The following KCNIP4 variants were observed in gnomAD, a reference collection of about 807,000 sequenced individuals.
KCNIP4 encodes Kv channel-interacting protein 4.
KCNIP4 carries 12 observed loss-of-function variants against 34.0 expected under a neutral mutation model. That is an observed-to-expected ratio of 0.35 (90% CI 0.23 to 0.57). The LOEUF is 0.57. Among genes scored for constraint, KCNIP4 ranks in the 20% least tolerant of loss-of-function variants. The probability of loss-of-function intolerance (pLI) is 0.83; values close to 1 mark genes in which losing one functional copy is unlikely to be tolerated. For missense variants in KCNIP4, 238 were observed against 311.7 expected, an observed-to-expected ratio of 0.76 and a Z score of 1.78; for synonymous variants, 124 against 102.2, an observed-to-expected ratio of 1.21 and a Z score of -1.29.
chr4:21,549,188 TATG>T (rs1278638461), intron 1 of KCNIP4, among the ~76,000 whole-genome samples: 1 of 152,024 alleles, frequency 6.6e-6, no homozygotes, highest in Non-Finnish European at 1.5e-5. Context: ...GCCACAATTA[TATG>T]ATGTTTACTA....
chr4:20,811,372 C>T (rs1218218880), intron 3 of KCNIP4, among the ~76,000 whole-genome samples: 1 of 152,138 alleles, frequency 6.6e-6, no homozygotes, highest in Non-Finnish European at 1.5e-5. Flanking sequence ...ACACATACAG[C>T]CTAAGCTAAT....
At chr4:20,964,673 G>A (rs537817440) in intron 1 of KCNIP4, among the ~76,000 whole-genome samples, 3 of 152,162 alleles carry the variant, frequency 2.0e-5, no homozygotes, top group Non-Finnish European at 4.4e-5. Flanking sequence ...TCCTTAGGCA[G>A]CAGCATTGTG....
intron 1 of KCNIP4, among the ~76,000 whole-genome samples, chr4:21,772,835 GTCTA>G (rs1718892663): frequency 6.6e-6 from 1 of 151,986 alleles, no homozygotes; most frequent in Admixed American, 6.6e-5. Flanking sequence ...CTAGCTAGCA[GTCTA>G]TCTATTTTGT....
chr4:21,528,743 GA>G (rs1455304406), intron 1 of KCNIP4, among the ~76,000 whole-genome samples: 1 of 6,886 alleles, frequency 1.5e-4, no homozygotes, highest in Non-Finnish European at 2.6e-4. Context: ...AAGAAAGAAA[GA>G]AAGAAAGAAA....
rs144585680 is a variant in KCNIP4, at chr4:21,566,472, C to A, written c.61+382099G>T. Among the ~76,000 whole-genome samples, 418 of 152,196 alleles carry A rather than the reference C, an allele frequency of 2.7e-3. 6 individuals are homozygous for A. Among genetic ancestry groups the A allele is most frequent in the African/African-American group, 9.6e-3 (398 of 41,532 alleles). On this transcript the variant is annotated intron_variant, in intron 1 of 8. Transcript: ENST00000382152. ...GTTTAAAAGTTTATAGCACCTCCCC[C>A]TTCGCTCTCTTCCTCCTGCTCCACC...
chr4:20,889,371 G>A (rs894822737), intron 1 of KCNIP4, among the ~76,000 whole-genome samples: 1 of 152,064 alleles, frequency 6.6e-6, no homozygotes, highest in Non-Finnish European at 1.5e-5. Context: ...GCAGTCTAAT[G>A]TGCCACATAA....
chr4:21,090,140 C>T (rs375928325), intron 1 of KCNIP4, among the ~76,000 whole-genome samples: 3 of 152,280 alleles, frequency 2.0e-5, no homozygotes, highest in Non-Finnish European at 2.9e-5. Flanking sequence ...ATTTTTCACA[C>T]GTATAGCCTG....
At chr4:20,816,485 T>C (rs1318010558) in intron 3 of KCNIP4, among the ~76,000 whole-genome samples, 2 of 152,114 alleles carry the variant, frequency 1.3e-5, no homozygotes, top group African/African-American at 2.4e-5. Context: ...TCTCCAGCCA[T>C]CCTGAAACAT....
At chr4:21,470,628 G>A (rs1011379422) in intron 1 of KCNIP4, among the ~76,000 whole-genome samples, 2 of 152,112 alleles carry the variant, frequency 1.3e-5, no homozygotes, top group African/African-American at 4.8e-5. Context: ...CAGCTAGGGA[G>A]CTGGCAGGAG....
intron 1 of KCNIP4, among the ~76,000 whole-genome samples, chr4:21,278,478 G>A (rs1420325015): frequency 1.3e-5 from 2 of 152,068 alleles, no homozygotes; most frequent in Non-Finnish European, 2.9e-5. Flanking sequence ...GTATGCTAAG[G>A]ATAATGGCCT....
intron 1 of KCNIP4, among the ~76,000 whole-genome samples, chr4:21,811,675 T>C (rs977658486): frequency 6.6e-6 from 1 of 152,214 alleles, no homozygotes; most frequent in Non-Finnish European, 1.5e-5. Context: ...CATATTTGTT[T>C]TTCTTTTCCT....
intron 1 of KCNIP4, among the ~76,000 whole-genome samples, chr4:21,698,664 T>A (rs1029149906): frequency 6.6e-6 from 1 of 152,190 alleles, no homozygotes; most frequent in Non-Finnish European, 1.5e-5. Context: ...TTTATTTTTG[T>A]TTATTCTGAA....
intron 1 of KCNIP4, among the ~76,000 whole-genome samples, chr4:21,381,740 T>C (rs550170140): frequency 4.3e-4 from 66 of 152,318 alleles, no homozygotes; most frequent in African/African-American, 1.5e-3. Flanking sequence ...TTCTCAGCCA[T>C]TTTGGAATTA....
intron 1 of KCNIP4, among the ~76,000 whole-genome samples, chr4:20,884,639 G>C (rs1163608337): frequency 6.6e-6 from 1 of 150,900 alleles, no homozygotes; most frequent in East Asian, 1.9e-4. Flanking sequence ...TCCGTGCCAG[G>C]ATATGTGCTG....
intron 1 of KCNIP4, among the ~76,000 whole-genome samples, chr4:21,132,908 G>A (rs193073225): frequency 0.012 from 1,744 of 151,196 alleles, 22 homozygotes; most frequent in Non-Finnish European, 0.02. Flanking sequence ...AGCTACTTGG[G>A]ACGCTGAGGC....
At chr4:20,770,422 A>G (rs1171412450) in intron 3 of KCNIP4, among the ~76,000 whole-genome samples, 1 of 151,970 alleles carries the variant, frequency 6.6e-6, no homozygotes, top group African/African-American at 2.4e-5. Context: ...AGATTTTACT[A>G]ATTGATTAGA....
intron 4 of KCNIP4, among the ~76,000 whole-genome samples, chr4:20,754,475 G>C (rs757062401): frequency 6.6e-5 from 10 of 152,096 alleles, no homozygotes; most frequent in Non-Finnish European, 1.5e-4. Context: ...ACATGAATTC[G>C]CCTGCCATCA....
chr4:21,779,130 A>C (rs566264290), intron 1 of KCNIP4, among the ~76,000 whole-genome samples: 2 of 152,224 alleles, frequency 1.3e-5, no homozygotes, highest in East Asian at 3.9e-4. Context: ...TGAAAAAAAA[A>C]GTATCTTGTT....
intron 1 of KCNIP4, among the ~76,000 whole-genome samples, chr4:21,118,837 G>T (rs958756861): frequency 6.6e-6 from 1 of 152,128 alleles, no homozygotes; most frequent in Non-Finnish European, 1.5e-5. Flanking sequence ...AATCCAGACA[G>T]ATCAACCCAA....
Sources: gnomAD v4.1 joint callset for allele counts (sites outside exome capture counted in the v4.1 genomes callset) on GRCh38, gnomAD v4.1.1 for gene constraint, MANE v1.5 for transcripts, NCBI Gene and HGNC (gene_info 2026-07-23, HGNC 2026-07-21) for gene names.